Variants in SPOCK3 observed in about 807,000 individuals in gnomAD.
The protein encoded by SPOCK3 is SPARC (osteonectin), cwcv and kazal like domains proteoglycan 3.
SPOCK3 carries 30 observed loss-of-function variants against 56.6 expected under a neutral mutation model. That is an observed-to-expected ratio of 0.53 (90% CI 0.40 to 0.72). SPOCK3 has a LOEUF of 0.72. Among genes scored for constraint, SPOCK3 ranks in the 30% least tolerant of loss-of-function variants. The probability of loss-of-function intolerance (pLI) is 0.00; values close to 1 mark genes in which losing one functional copy is unlikely to be tolerated. For synonymous variants in SPOCK3, 196 were observed against 183.3 expected (o/e 1.07, Z -0.56); for missense variants, 527 against 530.0 (o/e 0.99, Z 0.06).
chr4:166,877,094 G>T (rs1733175767), intron 6 of SPOCK3, among the ~76,000 whole-genome samples: 1 of 152,036 alleles, frequency 6.6e-6, no homozygotes, highest in African/African-American at 2.4e-5. Flanking sequence ...GGTTAAAGTG[G>T]CTACCTCTAA....
chr4:166,938,501 TATAAC>T (rs1465813929), intron 4 of SPOCK3, among the ~76,000 whole-genome samples: 4 of 152,178 alleles, frequency 2.6e-5, no homozygotes, highest in Non-Finnish European at 4.4e-5. Context: ...ATTGCAAACT[TATAAC>T]AAACTCAGAA....
chr4:167,155,167 G>A (rs968337555), intron 2 of SPOCK3, among the ~76,000 whole-genome samples: 1 of 151,930 alleles, frequency 6.6e-6, no homozygotes, highest in Non-Finnish European at 1.5e-5. Context: ...GAAGACTAGA[G>A]TGCAGTGGTG....
At chr4:167,135,680 CGTGTGTGTGT>C (rs57918767) in intron 2 of SPOCK3, among the ~76,000 whole-genome samples, 13,300 of 147,710 alleles carry the variant, frequency 0.09, 676 homozygotes, top group Admixed American at 0.17. Context: ...CTATATAAAA[CGTGTGTGTGT>C]GTGTGTGTGT....
chr4:167,205,004 T>G lies in SPOCK3; in HGVS notation c.189+28981A>C, dbSNP rs374224838. ...TCGTGCACAGTACCATCACCAGCTA[T>G]TTTTTTTTTTGGTAGAGAAGGTGTC... is the stretch of plus-strand genomic sequence containing the variant. On this transcript the variant is annotated intron_variant, in intron 2 of 10. Transcript: ENST00000357545. 1.9e-4 allele frequency among the ~76,000 whole-genome samples: 26 copies of G among 137,158 alleles called. No individual in the cohort carries two copies. The East Asian group carries it at 4.7e-3, about 25-fold the overall frequency. The allele number at this position is 137,158 out of a possible 152,430, so 90.0% of individuals were successfully genotyped here.
At chr4:166,788,278 A>G (rs538190867) in intron 7 of SPOCK3, among the ~76,000 whole-genome samples, 32 of 152,278 alleles carry the variant, frequency 2.1e-4, no homozygotes, top group African/African-American at 7.7e-4. Flanking sequence ...TTTCAACAGT[A>G]ATTATGTTTT....
intron 2 of SPOCK3, among the ~76,000 whole-genome samples, chr4:167,208,512 G>A (rs1734564965): frequency 6.6e-6 from 1 of 152,026 alleles, no homozygotes. Context: ...GAGTCAAACA[G>A]GCCAAATCTA....
intron 2 of SPOCK3, among the ~76,000 whole-genome samples, chr4:167,207,654 G>A (rs931155453): frequency 7.9e-5 from 12 of 151,940 alleles, no homozygotes; most frequent in Non-Finnish European, 1.6e-4. Flanking sequence ...AAGCATGTTA[G>A]ACAATTTTTG....
intron 6 of SPOCK3, among the ~76,000 whole-genome samples, chr4:166,824,239 T>C (rs1457892577): frequency 6.6e-6 from 1 of 152,112 alleles, no homozygotes; most frequent in East Asian, 1.9e-4. Context: ...CACATCTTTT[T>C]CCTTGATCAG....
intron 2 of SPOCK3, among the ~76,000 whole-genome samples, chr4:167,192,233 TA>T (rs1321748255): frequency 1.4e-5 from 2 of 146,114 alleles, no homozygotes; most frequent in Non-Finnish European, 3.0e-5. Context: ...TATTGGCTTA[TA>T]ATTTTCTTTT....
At chr4:166,829,349 C>T (rs2126788713) in intron 6 of SPOCK3, among the ~76,000 whole-genome samples, 1 of 152,156 alleles carries the variant, frequency 6.6e-6, no homozygotes, top group East Asian at 1.9e-4. Context: ...TTTCTACTCA[C>T]TAACATGGTA....
At chr4:167,221,397 A>G (rs1735903874) in intron 2 of SPOCK3, among the ~76,000 whole-genome samples, 1 of 151,900 alleles carries the variant, frequency 6.6e-6, no homozygotes, top group Admixed American at 6.6e-5. Context: ...ATATAATACA[A>G]CAAAAAAAGC....
intron 3 of SPOCK3, among the ~76,000 whole-genome samples, chr4:167,019,948 T>C (rs1489838499): frequency 1.3e-5 from 2 of 152,128 alleles, no homozygotes; most frequent in Non-Finnish European, 2.9e-5. Flanking sequence ...GGTCAGGTAC[T>C]GAAGAGGGAA....
At chr4:166,953,402 T>C (rs1209483207) in intron 4 of SPOCK3, among the ~76,000 whole-genome samples, 1 of 151,562 alleles carries the variant, frequency 6.6e-6, no homozygotes, top group Non-Finnish European at 1.5e-5. Context: ...CTCACACCAG[T>C]TAGAATGGCG....
chr4:166,824,894 T>G (rs1455546397), intron 6 of SPOCK3, among the ~76,000 whole-genome samples: 1 of 152,082 alleles, frequency 6.6e-6, no homozygotes, highest in Admixed American at 6.6e-5. Flanking sequence ...TTACTACAGT[T>G]GTATTGCCAG....
intron 2 of SPOCK3, among the ~76,000 whole-genome samples, chr4:167,129,379 C>T (rs981663416): frequency 6.6e-6 from 1 of 152,144 alleles, no homozygotes; most frequent in African/African-American, 2.4e-5. Context: ...ATATTACTGG[C>T]AACACACTCT....
Position 166,767,992 on chromosome 4 carries a change from T to C in SPOCK3, c.710-13263A>G, listed in dbSNP as rs186134872. Among the ~76,000 whole-genome samples the C allele has an allele frequency of 4.8e-4, 72 of 148,812 alleles. No individual in the cohort carries two copies. The East Asian group carries it at 0.014, about 28-fold the overall frequency. On this transcript the variant is annotated intron_variant, in intron 7 of 10. Transcript: ENST00000357545. ...CTTTGTTGGTTTAAAGTCTGTTTTA[T>C]CAGAGACTAGGATTGCAAACCCTGC...
chr4:166,946,918 A>G (rs1010831310), intron 4 of SPOCK3, among the ~76,000 whole-genome samples: 6 of 152,122 alleles, frequency 3.9e-5, no homozygotes, highest in Non-Finnish European at 5.9e-5. Flanking sequence ...AATCAACATC[A>G]CCAATGAAAA....
At chr4:166,783,963 GT>G (rs991553491) in intron 7 of SPOCK3, among the ~76,000 whole-genome samples, 3 of 150,286 alleles carry the variant, frequency 2.0e-5, no homozygotes, top group South Asian at 2.1e-4. Flanking sequence ...CCTCTTCATT[GT>G]TTTTTTTTGG....
At chr4:166,829,569 T>A (rs905791256) in intron 6 of SPOCK3, among the ~76,000 whole-genome samples, 3 of 152,114 alleles carry the variant, frequency 2.0e-5, no homozygotes, top group Non-Finnish European at 4.4e-5. Flanking sequence ...TTTGGAAAGA[T>A]CTTTTAACTT....
Sources: gnomAD v4.1 joint callset for allele counts (sites outside exome capture counted in the v4.1 genomes callset) on GRCh38, gnomAD v4.1.1 for gene constraint, MANE v1.5 for transcripts, NCBI Gene and HGNC (gene_info 2026-07-23, HGNC 2026-07-21) for gene names.